CDIP1: variants seen among roughly 807,000 people sequenced by gnomAD.
The protein encoded by CDIP1 is cell death-inducing p53-target protein 1.
CDIP1 carries 9 observed loss-of-function variants against 17.7 expected under a neutral mutation model. That is an observed-to-expected ratio of 0.51 (90% CI 0.31 to 0.89). The LOEUF (loss-of-function observed/expected upper bound fraction) is 0.89, where lower values mean the gene tolerates loss of function less well. CDIP1 is among the 40% of genes least tolerant of loss of function. The pLI, the probability that CDIP1 is intolerant of heterozygous loss-of-function variation, is 0.05. For missense variants in CDIP1, 263 were observed against 277.9 expected (o/e 0.95, Z 0.38); for synonymous variants, 117 against 109.5 (o/e 1.07, Z -0.43).
At chr16:4,534,658 C>G (rs938988109) in intron 1 of CDIP1, among the ~76,000 whole-genome samples, 2 of 150,584 alleles carry the variant, frequency 1.3e-5, no homozygotes, top group African/African-American at 4.9e-5. Flanking sequence ...TTTCCTCCTG[C>G]TTCCCCAGCC....
rs895205995 is a variant in CDIP1, at chr16:4,512,270, A to AG, written c.*301dup. 1 of 478,202 alleles carries AG rather than the reference A, an allele frequency of 2.1e-6. No individual in the cohort carries two copies. The highest frequency in any genetic ancestry group is 2.0e-5 in the African/African-American group (1 of 51,238). The allele number at this position is 478,202 out of a possible 1,614,324, so 29.6% of individuals were successfully genotyped here. The stretch of plus-strand genomic sequence containing the variant: ...TACCTTGTTTGGAAACAGAGGCATC[A>AG]GGACCCCAGCAGGAGACCCCTCCCA... On this transcript the variant is annotated 3_prime_UTR_variant, in exon 6 of 6. Transcript: ENST00000567695. This position sits in a 1 kb window ranked among gnomAD's most constrained non-coding sequence, Gnocchi z 4.6.
chr16:4,518,639 C>G (rs1378488861), intron 1 of CDIP1, among the ~76,000 whole-genome samples: 1 of 152,216 alleles, frequency 6.6e-6, no homozygotes, highest in African/African-American at 2.4e-5. Flanking sequence ...AGGAGAGGAT[C>G]TGGAAAACAG....
chr16:4,525,094 T>C (rs1003328253), intron 1 of CDIP1, among the ~76,000 whole-genome samples: 5 of 152,250 alleles, frequency 3.3e-5, no homozygotes, highest in African/African-American at 1.2e-4. Flanking sequence ...AGTGAGACTC[T>C]ATCCCCCCTC....
chr16:4,519,159 C>T (rs1255399059), intron 1 of CDIP1, among the ~76,000 whole-genome samples: 5 of 152,150 alleles, frequency 3.3e-5, no homozygotes, highest in Non-Finnish European at 7.4e-5. Flanking sequence ...CAAAGTCTAC[C>T]CCTCCACACC....
At chr16:4,532,905 G>A (rs1437332273) in intron 1 of CDIP1, 1 of 152,206 alleles carries the variant, frequency 6.6e-6, no homozygotes, top group African/African-American at 2.4e-5. Flanking sequence ...GCTCACTTGA[G>A]GCCTTCTCCC....
intron 1 of CDIP1, among the ~76,000 whole-genome samples, chr16:4,530,647 T>G: frequency 3.7e-5 from 1 of 26,978 alleles, no homozygotes; most frequent in Non-Finnish European, 1.5e-4. Flanking sequence ...AGACTCCATC[T>G]CAAAAAAAAA....
chr16:4,521,001 T>G (rs2058940830), intron 1 of CDIP1, among the ~76,000 whole-genome samples: 1 of 152,188 alleles, frequency 6.6e-6, no homozygotes, highest in Admixed American at 6.5e-5. Context: ...GTGCCTCATT[T>G]CGTCACAAAG....
chr16:4,523,937 A>G (rs6500614), intron 1 of CDIP1: 111,293 of 152,226 alleles, frequency 0.73, 40,927 homozygotes, highest in African/African-American at 0.77. Context: ...GGCCAGCTGG[A>G]CAGTGTCCCA....
chr16:4,517,610 G>T (rs183173975), intron 1 of CDIP1, among the ~76,000 whole-genome samples: 144 of 152,222 alleles, frequency 9.5e-4, no homozygotes, highest in African/African-American at 3.4e-3. Context: ...GCATGATAAT[G>T]TATGCCTGTA....
intron 1 of CDIP1, among the ~76,000 whole-genome samples, chr16:4,525,875 G>C (rs1260274167): frequency 6.6e-6 from 1 of 152,216 alleles, no homozygotes; most frequent in African/African-American, 2.4e-5. Context: ...TCCTGATGGA[G>C]GCAGGACGAG....
At chr16:4,520,252 C>T (rs1436764065) in intron 1 of CDIP1, among the ~76,000 whole-genome samples, 1 of 152,120 alleles carries the variant, frequency 6.6e-6, no homozygotes, top group Non-Finnish European at 1.5e-5. Context: ...GCTGGGACTA[C>T]AGGCATGCCA....
At chr16:4,528,861 T>C (rs1325811804) in intron 1 of CDIP1, among the ~76,000 whole-genome samples, 1 of 151,938 alleles carries the variant, frequency 6.6e-6, no homozygotes, top group African/African-American at 2.4e-5. Flanking sequence ...TGGTGGCGCA[T>C]GCCTGTAATT....
intron 1 of CDIP1, among the ~76,000 whole-genome samples, chr16:4,537,842 G>A (rs2059125162): frequency 6.6e-6 from 1 of 152,218 alleles, no homozygotes; most frequent in Admixed American, 6.5e-5. Context: ...AACTCGCTAA[G>A]CCAAGGTCCT....
chr16:4,522,140 G>A (rs534738716), intron 1 of CDIP1, among the ~76,000 whole-genome samples: 65 of 152,174 alleles, frequency 4.3e-4, no homozygotes, highest in Non-Finnish European at 8.1e-4. Context: ...GCTCAGCAGC[G>A]TTCCCTCACA....
intron 1 of CDIP1, among the ~76,000 whole-genome samples, chr16:4,534,693 T>G (rs2059089262): frequency 1.4e-5 from 2 of 147,766 alleles, no homozygotes; most frequent in African/African-American, 5.2e-5. Context: ...TTGCATGGTT[T>G]TTTTTTTTTT....
intron 1 of CDIP1, among the ~76,000 whole-genome samples, chr16:4,521,736 G>A (rs1444548044): frequency 1.5e-5 from 2 of 136,912 alleles, no homozygotes; most frequent in African/African-American, 2.7e-5. Flanking sequence ...GGGGGGGCCC[G>A]CTCTGCATCA....
At chr16:4,526,180 G>C (rs1041821090) in intron 1 of CDIP1, among the ~76,000 whole-genome samples, 4 of 152,142 alleles carry the variant, frequency 2.6e-5, no homozygotes, top group Admixed American at 2.6e-4. Flanking sequence ...GCAGAGGTGG[G>C]CGGATCACGA....
intron 1 of CDIP1, among the ~76,000 whole-genome samples, chr16:4,537,520 G>A (rs189369980): frequency 1.3e-5 from 2 of 152,156 alleles, no homozygotes; most frequent in Non-Finnish European, 2.9e-5. Flanking sequence ...CCAGCATCAG[G>A]CCCCAGAATA....
intron 1 of CDIP1, among the ~76,000 whole-genome samples, chr16:4,528,659 C>T (rs1380586049): frequency 2.0e-5 from 2 of 99,370 alleles, no homozygotes; most frequent in Non-Finnish European, 3.7e-5. Context: ...CTAGCATGGA[C>T]AACAGTGGGG....
Sources: gnomAD v4.1 joint callset for allele counts (sites outside exome capture counted in the v4.1 genomes callset) on GRCh38, gnomAD v4.1.1 for gene constraint, Gnocchi (gnomAD v3.1) non-coding constraint, MANE v1.5 for transcripts, NCBI Gene and HGNC (gene_info 2026-07-23, HGNC 2026-07-21) for gene names.